The following TSNARE1 variants were observed in gnomAD, a reference collection of about 807,000 sequenced individuals.
TSNARE1 encodes t-SNARE domain-containing protein 1.
TSNARE1 carries 49 observed loss-of-function variants against 62.0 expected under a neutral mutation model. The ratio of observed to expected loss-of-function variants is 0.79; its 90% CI spans 0.63 to 1.00. TSNARE1 has a LOEUF of 1.00. Among genes scored for constraint, TSNARE1 ranks in the 50% least tolerant of loss-of-function variants. The pLI, the probability that TSNARE1 is intolerant of heterozygous loss-of-function variation, is 0.00. For synonymous variants in TSNARE1, 328 were observed against 294.4 expected, an observed-to-expected ratio of 1.11 and a Z score of -1.17; for missense variants, 755 against 700.1, an observed-to-expected ratio of 1.08 and a Z score of -0.88.
At chr8:142,310,159 T>C (rs1827336979) in intron 9 of TSNARE1, among the ~76,000 whole-genome samples, 1 of 152,232 alleles carries the variant, frequency 6.6e-6, no homozygotes, top group Non-Finnish European at 1.5e-5. Flanking sequence ...GAGCCAATTA[T>C]TTTGGCTTTG....
At chr8:142,385,994 T>C (rs995058337) in intron 1 of TSNARE1, among the ~76,000 whole-genome samples, 3 of 152,176 alleles carry the variant, frequency 2.0e-5, no homozygotes, top group Non-Finnish European at 4.4e-5. Flanking sequence ...TCTTAGCCCC[T>C]AGAGTCCTTG....
chr8:142,349,755 C>T (rs939439200), intron 2 of TSNARE1, among the ~76,000 whole-genome samples: 1 of 152,210 alleles, frequency 6.6e-6, no homozygotes, highest in African/African-American at 2.4e-5. Context: ...TCACGGGTGT[C>T]GACACATCCA....
intron 1 of TSNARE1, among the ~76,000 whole-genome samples, chr8:142,400,980 A>G (rs1838248357): frequency 6.6e-6 from 1 of 152,152 alleles, no homozygotes; most frequent in South Asian, 2.1e-4. Flanking sequence ...CACCACCTGC[A>G]GACACTCACC....
chr8:142,352,464 C>T (rs556586518), intron 2 of TSNARE1, among the ~76,000 whole-genome samples: 2 of 152,388 alleles, frequency 1.3e-5, no homozygotes, highest in African/African-American at 4.8e-5. Context: ...AGGAACGCCA[C>T]GCCCCGTGTA....
chr8:142,253,062 A>G (rs1037810516), intron 12 of TSNARE1, among the ~76,000 whole-genome samples: 2 of 152,182 alleles, frequency 1.3e-5, no homozygotes, highest in African/African-American at 2.4e-5. Context: ...CTGTTCACAG[A>G]CTGGATGTGC....
At chr8:142,246,983 T>C in intron 12 of TSNARE1, among the ~76,000 whole-genome samples, 1 of 152,220 alleles carries the variant, frequency 6.6e-6, no homozygotes, top group South Asian at 2.1e-4. Context: ...CCCTTCTCAA[T>C]GAACACACAT....
intron 1 of TSNARE1, among the ~76,000 whole-genome samples, 173 bp from the exon 2 acceptor site, chr8:142,354,936 C>CA (rs980814559): frequency 1.3e-5 from 2 of 152,168 alleles, no homozygotes; most frequent in African/African-American, 4.8e-5. Flanking sequence ...GCAACCCCCC[C>CA]ACAGAGCCCC....
intron 11 of TSNARE1, chr8:142,277,696 C>G: frequency 1.0e-5 from 10 of 985,460 alleles, no homozygotes; most frequent in Non-Finnish European, 1.2e-5. Context: ...CTCACAGGCA[C>G]CAAAGACTCC....
upstream of TSNARE1, chr8:142,405,572 C>CA (rs1412974952): frequency 2.0e-5 from 3 of 152,296 alleles, no homozygotes; most frequent in African/African-American, 4.8e-5. Flanking sequence ...GTTGAGGCAG[C>CA]ACCCACTAAA....
chr8:142,228,114 G>T (rs1036679263), intron 13 of TSNARE1, among the ~76,000 whole-genome samples: 5 of 152,206 alleles, frequency 3.3e-5, no homozygotes, highest in Admixed American at 2.0e-4. Context: ...AGCCGCAGTT[G>T]AGTCTTCAGA....
intron 11 of TSNARE1, among the ~76,000 whole-genome samples, chr8:142,283,156 G>A (rs1160403607): frequency 4.0e-5 from 6 of 150,962 alleles, no homozygotes; most frequent in African/African-American, 1.5e-4. Context: ...TCAATGAGCA[G>A]AGGTGGGGCC....
intron 1 of TSNARE1, among the ~76,000 whole-genome samples, chr8:142,362,899 G>T (rs1460712974): frequency 1.3e-5 from 2 of 152,156 alleles, no homozygotes; most frequent in Admixed American, 1.3e-4. Context: ...CAGAGGGTGG[G>T]TGTGAAGACC....
chr8:142,296,050 G>A (rs1241824378), intron 10 of TSNARE1, among the ~76,000 whole-genome samples: 2 of 44,918 alleles, frequency 4.5e-5, no homozygotes, highest in East Asian at 1.6e-3. Context: ...GGGAGGGGGT[G>A]ATGACTGTCA....
chr8:142,278,443 C>T (rs1485856969), intron 11 of TSNARE1: 2 of 985,334 alleles, frequency 2.0e-6, no homozygotes, highest in Admixed American at 6.1e-5. Context: ...GGCTTCGTTC[C>T]CAAAGTCCTT....
chr8:142,280,454 G>A (rs764341370), intron 11 of TSNARE1: 39 of 406,352 alleles, frequency 9.6e-5, no homozygotes, highest in Non-Finnish European at 1.2e-4. Context: ...CCCAGCATAG[G>A]CAGCCTACAT....
intron 11 of TSNARE1, chr8:142,276,739 G>A (rs1820568093): frequency 1.0e-6 from 1 of 985,242 alleles, no homozygotes; most frequent in Non-Finnish European, 1.2e-6. Context: ...CGTAGTGTGT[G>A]ACCTGGAGGC....
At chr8:142,298,959 G>C (rs1825229506) in intron 10 of TSNARE1, among the ~76,000 whole-genome samples, 1 of 152,232 alleles carries the variant, frequency 6.6e-6, no homozygotes, top group Non-Finnish European at 1.5e-5. Flanking sequence ...TGCTTCGGGT[G>C]GTTCTCTGGA....
intron 9 of TSNARE1, among the ~76,000 whole-genome samples, chr8:142,312,016 T>C (rs1022382921): frequency 3.9e-5 from 6 of 152,244 alleles, no homozygotes; most frequent in African/African-American, 1.4e-4. Context: ...TCCAGAATGC[T>C]TGGGACCAGA....
At chr8:142,361,626 C>G (rs931096760) in intron 1 of TSNARE1, among the ~76,000 whole-genome samples, 3 of 152,210 alleles carry the variant, frequency 2.0e-5, no homozygotes, top group Non-Finnish European at 4.4e-5. Context: ...CCCCTGTCCC[C>G]TGGGGAAAAA....
Sources: allele counts gnomAD v4.1 joint callset (sites outside exome capture counted in the v4.1 genomes callset), GRCh38; gene constraint gnomAD v4.1.1; transcripts MANE v1.5; gene names NCBI Gene and HGNC (gene_info 2026-07-23, HGNC 2026-07-21).